The following ATP8A1 variants were observed in gnomAD, a reference collection of about 807,000 sequenced individuals.
ATP8A1 encodes phospholipid-transporting ATPase IA.
Under a neutral mutation model 177.7 loss-of-function variants are expected in ATP8A1, and 90 were observed. The ratio of observed to expected loss-of-function variants is 0.51; its 90% CI spans 0.43 to 0.60. The LOEUF (loss-of-function observed/expected upper bound fraction) is 0.60. Ranked by LOEUF, ATP8A1 falls within the 20% of genes least tolerant of loss-of-function variation. ATP8A1 has a pLI of 0.00. For synonymous variants in ATP8A1, 493 were observed against 485.9 expected (o/e 1.01, Z -0.19); for missense variants, 1,072 against 1,392.8 (o/e 0.77, Z 3.67).
Position 42,411,508 on chromosome 4 carries a change from T to C in ATP8A1, c.*1408A>G, listed in dbSNP as rs912978876. 79 of 152,352 alleles carry C rather than the reference T, an allele frequency of 5.2e-4. 1 individual carries two copies. Among genetic ancestry groups the C allele is most frequent in the African/African-American group, 1.7e-3 (70 of 41,588 alleles). 9.4% of individuals were successfully genotyped at this position (152,352 alleles called of 1,614,324 possible). On this transcript the variant is annotated 3_prime_UTR_variant, in exon 37 of 37. Coordinates refer to ENST00000381668, the MANE Select transcript of ATP8A1 (RefSeq NM_006095.2). ...TGTATCTGAAAACTAATTCCTTTTT[T>C]TCAAATGAAAGTATTATTTAAAAAA...
chr4:42,412,894 C>A lies in ATP8A1; in HGVS notation c.*22G>T. On this transcript the variant is annotated 3_prime_UTR_variant, in exon 37 of 37. Transcript: ENST00000381668. ...AGCTCTCCTTAGAGAGGTAACAGAG[C>A]CTGCCTTTCAGGCTCTCCCCATCAC... 6.2e-7 allele frequency: 1 copy of A among 1,607,806 alleles called. No individual in the cohort carries two copies. The highest frequency in any genetic ancestry group is 1.7e-5 in the Admixed American group (1 of 59,894).
chr4:42,448,018 A>C (rs1289300742), intron 30 of ATP8A1, among the ~76,000 whole-genome samples: 2 of 152,232 alleles, frequency 1.3e-5, no homozygotes, highest in Non-Finnish European at 2.9e-5. Flanking sequence ...AAAAGTTTTT[A>C]TGTGGTTTAT....
intron 6 of ATP8A1, among the ~76,000 whole-genome samples, chr4:42,595,417 A>G (rs1734629027): frequency 6.6e-6 from 1 of 152,182 alleles, no homozygotes; most frequent in East Asian, 1.9e-4. Flanking sequence ...TATGACACGT[A>G]TGCTTAAGTT....
intron 24 of ATP8A1, among the ~76,000 whole-genome samples, chr4:42,489,022 AAG>A (rs527435347): frequency 6.6e-6 from 1 of 151,504 alleles, no homozygotes; most frequent in Admixed American, 6.5e-5. Flanking sequence ...TGATTAGAGA[AAG>A]AGAGAGAGTA....
At chr4:42,547,990 T>C (rs1380097567) in intron 19 of ATP8A1, among the ~76,000 whole-genome samples, 2 of 152,212 alleles carry the variant, frequency 1.3e-5, no homozygotes, top group Non-Finnish European at 2.9e-5. Flanking sequence ...TTAAAGACCC[T>C]GCAGCAAGGG....
intron 25 of ATP8A1, among the ~76,000 whole-genome samples, chr4:42,478,626 T>C (rs1212705909): frequency 1.3e-5 from 2 of 152,018 alleles, no homozygotes; most frequent in Non-Finnish European, 2.9e-5. Context: ...TCTAGGGAGA[T>C]GGCTAGCTTG....
chr4:42,533,935 G>A (rs1026238241), intron 20 of ATP8A1, among the ~76,000 whole-genome samples: 3 of 152,108 alleles, frequency 2.0e-5, no homozygotes, highest in Non-Finnish European at 2.9e-5. Context: ...AATCACTGCC[G>A]TTTGGCTCTC....
intron 19 of ATP8A1, among the ~76,000 whole-genome samples, chr4:42,548,339 T>C (rs548774364): frequency 1.3e-5 from 2 of 152,188 alleles, no homozygotes; most frequent in African/African-American, 4.8e-5. Flanking sequence ...TCACCAGCCA[T>C]AAGACGCATG....
intron 25 of ATP8A1, among the ~76,000 whole-genome samples, chr4:42,473,788 A>G (rs1377567592): frequency 6.6e-6 from 1 of 150,982 alleles, no homozygotes; most frequent in Non-Finnish European, 1.5e-5. Flanking sequence ...TGGGACTAAA[A>G]ATGTACGCCA....
chr4:42,589,424 A>G (rs562929291), intron 7 of ATP8A1, among the ~76,000 whole-genome samples: 1 of 152,346 alleles, frequency 6.6e-6, no homozygotes, highest in African/African-American at 2.4e-5. Context: ...AAAACAGACT[A>G]TTCCTAGTTT....
chr4:42,588,437 A>T, intron 7 of ATP8A1, 108 bp from the exon 8 acceptor site: 1 of 833,368 alleles, frequency 1.2e-6, no homozygotes, highest in African/African-American at 1.7e-5. Flanking sequence ...TAGACAAAGT[A>T]ATAGTTACTT....
In ATP8A1 at chr4:42,560,521, G is replaced by A. The variant is rs145045615; in HGVS notation, c.1341-4481C>T. ...AGCAGGATAACTTTAAAATAACACC[G>A]TTTTGTTGTGTGGGTTTTTGTTTTG... On this transcript the variant is annotated intron_variant, in intron 15 of 36. Coordinates refer to ENST00000381668, the MANE Select transcript of ATP8A1 (RefSeq NM_006095.2). Among the ~76,000 whole-genome samples the A allele has an allele frequency of 2.5e-3, 387 of 151,840 alleles. 4 individuals carry two copies. Among genetic ancestry groups the A allele is most frequent in the Admixed American group, 6.9e-3 (106 of 15,254 alleles).
intron 27 of ATP8A1, among the ~76,000 whole-genome samples, chr4:42,461,346 AT>A (rs1369680926): frequency 1.3e-5 from 2 of 150,936 alleles, no homozygotes; most frequent in Non-Finnish European, 2.9e-5. Flanking sequence ...CTCATCTTGA[AT>A]TCCCATGTGT....
At chr4:42,557,536 A>C (rs1316386418) in intron 15 of ATP8A1, among the ~76,000 whole-genome samples, 1 of 152,232 alleles carries the variant, frequency 6.6e-6, no homozygotes, top group African/African-American at 2.4e-5. Flanking sequence ...GATATGCCTT[A>C]TTAATCTCAC....
At chr4:42,487,353 C>A (rs1722297237) in intron 24 of ATP8A1, among the ~76,000 whole-genome samples, 1 of 152,122 alleles carries the variant, frequency 6.6e-6, no homozygotes, top group Admixed American at 6.6e-5. Flanking sequence ...TCCCCACATC[C>A]TATAGATTCT....
At chr4:42,521,244 C>A (rs191024718) in intron 22 of ATP8A1, among the ~76,000 whole-genome samples, 13 of 152,260 alleles carry the variant, frequency 8.5e-5, no homozygotes, top group Admixed American at 7.8e-4. Context: ...AGAATGAAGT[C>A]ACTTGAATGA....
intron 25 of ATP8A1, among the ~76,000 whole-genome samples, chr4:42,482,879 GT>G (rs1354858796): frequency 1.3e-5 from 2 of 152,144 alleles, no homozygotes; most frequent in Non-Finnish European, 2.9e-5. Context: ...TTGGAAAATA[GT>G]TTAAATTTGA....
chr4:42,431,501 G>C (rs1715300135), intron 33 of ATP8A1, among the ~76,000 whole-genome samples: 1 of 151,828 alleles, frequency 6.6e-6, no homozygotes, highest in Non-Finnish European at 1.5e-5. Context: ...CACATAACTG[G>C]TAAGGTTTCT....
intron 14 of ATP8A1, 105 bp downstream of exon 14, chr4:42,574,514 A>C (rs999651354): frequency 9.7e-5 from 86 of 883,070 alleles, no homozygotes; most frequent in East Asian, 3.4e-4. Context: ...ACTAAAAAAA[A>C]CCAAACAACC....
Sources: gnomAD v4.1 joint callset for allele counts (sites outside exome capture counted in the v4.1 genomes callset) on GRCh38, gnomAD v4.1.1 for gene constraint, MANE v1.5 for transcripts, NCBI Gene and HGNC (gene_info 2026-07-23, HGNC 2026-07-21) for gene names.